Variants in CNTN4 observed in about 807,000 individuals in gnomAD.
The protein encoded by CNTN4 is contactin-4.
A neutral mutation model predicts 122.5 loss-of-function variants in CNTN4; 77 were observed. The ratio of observed to expected loss-of-function variants is 0.63; its 90% CI spans 0.52 to 0.76. The LOEUF is 0.76. Among genes scored for constraint, CNTN4 ranks in the 30% least tolerant of loss-of-function variants. The pLI is 0.00. For missense variants in CNTN4, 1,256 were observed against 1,259.1 expected (o/e 1.00, Z 0.04); for synonymous variants, 512 against 447.0 (o/e 1.15, Z -1.83).
At chr3:2,461,321 G>A (rs1427899247) in intron 3 of CNTN4, among the ~76,000 whole-genome samples, 1 of 151,956 alleles carries the variant, frequency 6.6e-6, no homozygotes, top group African/African-American at 2.4e-5. Flanking sequence ...ATTTATGGAA[G>A]TTATCATTAA....
chr3:2,781,987 T>G (rs1179574410), intron 6 of CNTN4, among the ~76,000 whole-genome samples: 2 of 151,498 alleles, frequency 1.3e-5, no homozygotes, highest in East Asian at 1.9e-4. Context: ...CCTCCCAAAG[T>G]GCTGAGATTA....
intron 4 of CNTN4, among the ~76,000 whole-genome samples, chr3:2,581,306 G>C (rs907723445): frequency 3.3e-5 from 5 of 152,096 alleles, no homozygotes; most frequent in African/African-American, 1.2e-4. Flanking sequence ...AATCCATTTA[G>C]AATCCACTGG....
At chr3:2,520,527 GC>G (rs1256296663) in intron 3 of CNTN4, among the ~76,000 whole-genome samples, 2 of 151,834 alleles carry the variant, frequency 1.3e-5, no homozygotes, top group Non-Finnish European at 2.9e-5. Flanking sequence ...ACCTACCTCT[GC>G]CTCCCAAAAT....
intron 3 of CNTN4, among the ~76,000 whole-genome samples, chr3:2,496,683 C>A (rs1453224528): frequency 6.6e-6 from 1 of 152,126 alleles, no homozygotes; most frequent in African/African-American, 2.4e-5. Flanking sequence ...TGCCTATGTT[C>A]AGTTCCCTTT....
chr3:2,180,173 G>T (rs2036950802), intron 2 of CNTN4, among the ~76,000 whole-genome samples: 1 of 151,672 alleles, frequency 6.6e-6, no homozygotes, highest in South Asian at 2.1e-4. Context: ...TTCCTAATCT[G>T]GTAAATAATA....
intron 13 of CNTN4, among the ~76,000 whole-genome samples, chr3:2,943,726 C>A (rs1030454352): frequency 2.0e-5 from 3 of 150,482 alleles, no homozygotes; most frequent in African/African-American, 7.3e-5. Context: ...CTGGTTCAAG[C>A]AATTCACCTG....
intron 6 of CNTN4, among the ~76,000 whole-genome samples, chr3:2,788,366 A>AT (rs1418493039): frequency 4.6e-5 from 7 of 152,204 alleles, no homozygotes; most frequent in African/African-American, 1.7e-4. Context: ...ACCCAATGGA[A>AT]TATAAACTGA....
At chr3:2,561,056 A>G (rs114083229) in intron 3 of CNTN4, among the ~76,000 whole-genome samples, 1,606 of 152,290 alleles carry the variant, frequency 0.011, 13 homozygotes, top group Non-Finnish European at 0.016. Flanking sequence ...TGGACATACT[A>G]GTAAGCTTAC....
At chr3:2,673,697 C>T (rs562329439) in intron 4 of CNTN4, among the ~76,000 whole-genome samples, 120 of 152,186 alleles carry the variant, frequency 7.9e-4, no homozygotes, top group Middle Eastern at 3.4e-3. Flanking sequence ...CCCACCACCA[C>T]GCCCGGCTAA....
chr3:2,807,318 T>C (rs76533458), intron 6 of CNTN4, among the ~76,000 whole-genome samples: 2,083 of 152,294 alleles, frequency 0.014, 50 homozygotes, highest in African/African-American at 0.048. Flanking sequence ...AAATCGATGA[T>C]GAATGAACAC....
At chr3:2,565,923 CTAAA>C (rs2079139236) in intron 3 of CNTN4, among the ~76,000 whole-genome samples, 2 of 152,152 alleles carry the variant, frequency 1.3e-5, no homozygotes, top group South Asian at 4.1e-4. Context: ...TGGTAGCACT[CTAAA>C]TAATAACTAG....
intron 4 of CNTN4, among the ~76,000 whole-genome samples, chr3:2,700,961 A>G (rs2086324958): frequency 6.6e-6 from 1 of 152,168 alleles, no homozygotes; most frequent in Non-Finnish European, 1.5e-5. Context: ...GATTTTGTGT[A>G]GCTTGTCCAA....
intron 6 of CNTN4, among the ~76,000 whole-genome samples, chr3:2,813,633 A>C (rs1325008653): frequency 6.6e-6 from 1 of 152,014 alleles, no homozygotes. Context: ...TCCTGTCCAT[A>C]TGTGTAATGG....
At position 2,766,625 on chromosome 3, in the gene CNTN4, G is replaced by T. The variant is rs561919560; in HGVS notation, c.358+20928G>T. 9.2e-5 allele frequency among the ~76,000 whole-genome samples: 14 copies of T among 152,196 alleles called. No individual in the cohort carries two copies. In the East Asian group the frequency reaches 1.9e-3, roughly 21 times the overall value. ...GGTGGGAAGAGGATGAGGGATAAAA[G>T]GCTACAAATTGGGTTCAGCGTATAC... On this transcript the variant is annotated intron_variant, in intron 6 of 24. Coordinates refer to ENST00000418658, the MANE Select transcript of CNTN4 (RefSeq NM_175607.3).
intron 9 of CNTN4, among the ~76,000 whole-genome samples, chr3:2,885,431 T>A (rs1006981608): frequency 6.6e-6 from 1 of 152,210 alleles, no homozygotes; most frequent in Non-Finnish European, 1.5e-5. Context: ...TGGACTGCTG[T>A]AAGTTGGTAA....
At chr3:2,737,932 A>T (rs2089234015) in intron 5 of CNTN4, among the ~76,000 whole-genome samples, 1 of 152,216 alleles carries the variant, frequency 6.6e-6, no homozygotes, top group African/African-American at 2.4e-5. Flanking sequence ...AATACAACCG[A>T]AAAGAATTTG....
At chr3:2,700,730 C>T (rs1576495037) in intron 4 of CNTN4, among the ~76,000 whole-genome samples, 1 of 152,086 alleles carries the variant, frequency 6.6e-6, no homozygotes, top group African/African-American at 2.4e-5. Flanking sequence ...ATCCGTTTTC[C>T]CTACAGTATA....
At chr3:2,394,784 G>GTT (rs56027529) in intron 3 of CNTN4, among the ~76,000 whole-genome samples, 3,414 of 108,464 alleles carry the variant, frequency 0.031, 274 homozygotes, top group East Asian at 0.3. Flanking sequence ...CCTTATATTA[G>GTT]TTTTTTTTTT....
chr3:2,266,631 T>G (rs748473631), intron 2 of CNTN4, among the ~76,000 whole-genome samples: 19 of 152,060 alleles, frequency 1.2e-4, no homozygotes, highest in Non-Finnish European at 2.4e-4. Flanking sequence ...ATCAAATTAA[T>G]TAAAAGTCAC....
Sources: allele counts gnomAD v4.1 joint callset (sites outside exome capture counted in the v4.1 genomes callset), GRCh38; gene constraint gnomAD v4.1.1; transcripts MANE v1.5; gene names NCBI Gene and HGNC (gene_info 2026-07-23, HGNC 2026-07-21).